The following PCDH15 variants were observed in gnomAD, a reference collection of about 807,000 sequenced individuals.
The protein encoded by PCDH15 is protocadherin-15.
In PCDH15, 129 loss-of-function variants were observed where a neutral mutation model predicts 178.5. The ratio of observed to expected loss-of-function variants is 0.72; its 90% confidence interval spans 0.63 to 0.84. The LOEUF (loss-of-function observed/expected upper bound fraction) is 0.84, where lower values mean the gene tolerates loss of function less well. PCDH15 is among the 40% of genes least tolerant of loss of function. The probability of loss-of-function intolerance (pLI) is 0.00; values close to 1 mark genes in which losing one functional copy is unlikely to be tolerated. For synonymous variants in PCDH15, 800 were observed against 732.0 expected (o/e 1.09, Z -1.50); for missense variants, 2,230 against 2,099.9 (o/e 1.06, Z -1.21).
chr10:53,995,687 G>C lies in PCDH15; in HGVS notation c.2830C>G (p.Pro944Ala). The change falls in exon 21 of 38, where the codon CCT becomes GCT. Residue 944 changes from proline (P) to alanine (A), a missense_variant. Physicochemically the swap from Pro to Ala is conservative, Grantham distance 27. Coordinates refer to ENST00000644397, the MANE Select transcript of PCDH15 (RefSeq NM_001384140.1). Reference protein sequence around the residue: ...MVAPDAVKGTPITTVYAEDAD... With the variant: ...MVAPDAVKGTAITTVYAEDAD... ...TCTTCAGCATAAACTGTTGTGATAG[G>C]TGTACCCTTGACTGCATCCGGAGCC... 6.2e-7 allele frequency: 1 copy of C among 1,613,920 alleles called. No individual in the cohort carries two copies.
intron 15 of PCDH15, among the ~76,000 whole-genome samples, chr10:54,108,596 G>A (rs117929265): frequency 6.6e-6 from 1 of 152,246 alleles, no homozygotes; most frequent in East Asian, 1.9e-4. Flanking sequence ...AAGTACTAGT[G>A]CTGAGCTGGG....
At chr10:54,581,682 G>A (rs1393686091) in intron 2 of PCDH15, among the ~76,000 whole-genome samples, 2 of 151,994 alleles carry the variant, frequency 1.3e-5, no homozygotes, top group Non-Finnish European at 2.9e-5. Context: ...TATACAATAA[G>A]TCTACAATAT....
At chr10:55,022,711 C>CTTTTTT (rs201891944) in intron 2 of PCDH15, among the ~76,000 whole-genome samples, 13 of 113,838 alleles carry the variant, frequency 1.1e-4, no homozygotes, top group African/African-American at 1.6e-4. Flanking sequence ...TTTTCTTTTT[C>CTTTTTT]TTTTTTTTTT....
intron 27 of PCDH15, among the ~76,000 whole-genome samples, chr10:53,859,424 G>A (rs934944237): frequency 1.4e-4 from 21 of 152,280 alleles, no homozygotes; most frequent in South Asian, 4.1e-4. Context: ...TTTCAGTGGA[G>A]AATTGTTAGG....
At chr10:54,257,088 G>T (rs2056958917) in intron 8 of PCDH15, among the ~76,000 whole-genome samples, 1 of 149,156 alleles carries the variant, frequency 6.7e-6, no homozygotes, top group African/African-American at 2.5e-5. Flanking sequence ...TAGATAGATA[G>T]ATACTGAGAT....
Position 53,806,635 on chromosome 10 carries a change from C to CATCA in PCDH15, c.5163_5166dup (p.Glu1723Ter), listed in dbSNP as rs751808361. 3.7e-6 allele frequency: 6 copies of CATCA among 1,613,756 alleles called. No individual in the cohort carries two copies. On this transcript the variant is annotated stop_gained and frameshift_variant, in exon 38 of 38. Transcript: ENST00000644397. LOFTEE classifies it high-confidence loss of function. ...TTCCAGGGGCCCATCCAAAGCTCTTCATCATCAGACTGTGTGTGGTCACTA... is the reference window on the plus strand; with the variant it reads ...TTCCAGGGGCCCATCCAAAGCTCTTCATCAATCATCAGACTGTGTGTGGTCACTA...
chr10:55,042,148 AGAT>A (rs1057306790), intron 2 of PCDH15, among the ~76,000 whole-genome samples: 1 of 152,130 alleles, frequency 6.6e-6, no homozygotes. Flanking sequence ...TTAGACATGA[AGAT>A]GAGACTCTAG....
chr10:54,061,778 T>C (rs1225012777), intron 18 of PCDH15, among the ~76,000 whole-genome samples: 4 of 150,816 alleles, frequency 2.7e-5, no homozygotes, highest in Non-Finnish European at 5.9e-5. Flanking sequence ...AGGTATAATA[T>C]GATACCTTGT....
chr10:55,178,981 A>G lies in PCDH15; in HGVS notation c.-155-12330T>C, dbSNP rs184751247. ...ACATTGTTTTCAGAATGATTAGTCT[A>G]TTTTACTTCTTATTTCTGTTATCTC... On this transcript the variant is annotated intron_variant, in intron 1 of 5. Coordinates refer to the PCDH15 transcript ENST00000458638. Among the ~76,000 whole-genome samples the G allele has an allele frequency of 3.3e-3, 509 of 152,160 alleles. 1 individual carries two copies. Among genetic ancestry groups the G allele is most frequent in the African/African-American group, 0.012 (499 of 41,538 alleles).
At chr10:54,028,335 T>C (rs1257462062) in intron 18 of PCDH15, among the ~76,000 whole-genome samples, 1 of 148,746 alleles carries the variant, frequency 6.7e-6, no homozygotes, top group African/African-American at 2.5e-5. Context: ...TTTACACTGT[T>C]GGTGGGACTG....
At chr10:54,681,630 A>G (rs1173358299) in intron 1 of PCDH15, among the ~76,000 whole-genome samples, 5 of 152,136 alleles carry the variant, frequency 3.3e-5, no homozygotes, top group African/African-American at 1.2e-4. Context: ...GTTTTAGTGG[A>G]GGAGTGGGAA....
At chr10:54,892,973 A>G (rs558028840) in intron 3 of PCDH15, among the ~76,000 whole-genome samples, 1 of 152,202 alleles carries the variant, frequency 6.6e-6, no homozygotes, top group South Asian at 2.1e-4. Context: ...GAAATGTAAT[A>G]TAATACATCT....
chr10:55,622,141 A>C (rs1837415228), intron 2 of PCDH15, among the ~76,000 whole-genome samples: 1 of 135,010 alleles, frequency 7.4e-6, no homozygotes, highest in Admixed American at 8.3e-5. Flanking sequence ...TATATATATT[A>C]TATATATCTA....
chr10:54,967,809 A>AT (rs1027830096), intron 2 of PCDH15, among the ~76,000 whole-genome samples: 5 of 151,870 alleles, frequency 3.3e-5, no homozygotes, highest in East Asian at 1.9e-4. Flanking sequence ...AGCAGTTGTG[A>AT]TTTTTTCTGA....
intron 7 of PCDH15, among the ~76,000 whole-genome samples, chr10:54,328,512 G>A (rs542738791): frequency 6.6e-6 from 1 of 151,886 alleles, no homozygotes; most frequent in African/African-American, 2.4e-5. Flanking sequence ...AGTGAATACC[G>A]CATATCCCTT....
intron 2 of PCDH15, among the ~76,000 whole-genome samples, chr10:55,342,212 C>T (rs776181995): frequency 2.0e-5 from 3 of 150,776 alleles, no homozygotes; most frequent in Non-Finnish European, 3.0e-5. Context: ...AAGATTATAC[C>T]CATTTTTTCA....
At chr10:54,779,396 A>C (rs79724183) in intron 1 of PCDH15, among the ~76,000 whole-genome samples, 19,049 of 99,846 alleles carry the variant, frequency 0.19, 1,912 homozygotes, top group East Asian at 0.6. Context: ...CTCTCTCTCT[A>C]TATATATATG....
At chr10:55,485,104 A>G (rs1316870162) in intron 2 of PCDH15, among the ~76,000 whole-genome samples, 1 of 151,722 alleles carries the variant, frequency 6.6e-6, no homozygotes, top group Non-Finnish European at 1.5e-5. Flanking sequence ...AGATAATTTA[A>G]AGAATGGGAG....
At chr10:54,015,328 G>A (rs565520689) in intron 20 of PCDH15, among the ~76,000 whole-genome samples, 4 of 152,122 alleles carry the variant, frequency 2.6e-5, no homozygotes, top group East Asian at 3.9e-4. Context: ...TGGCCATACT[G>A]CCCAAAACAA....
Sources: allele counts gnomAD v4.1 joint callset (sites outside exome capture counted in the v4.1 genomes callset), GRCh38; gene constraint gnomAD v4.1.1; transcripts MANE v1.5; gene names NCBI Gene and HGNC (gene_info 2026-07-23, HGNC 2026-07-21).